Variants in CLCN4 observed in about 807,000 individuals in gnomAD.
CLCN4 encodes H(+)/Cl(-) exchange transporter 4.
A neutral mutation model predicts 41.7 loss-of-function variants in CLCN4; 1 was observed. The observed-to-expected ratio is 0.02, with a 90% CI of 0.01 to 0.11. CLCN4 has a LOEUF of 0.11. Among genes scored for constraint, CLCN4 ranks in the 10% least tolerant of loss-of-function variants. The pLI is 1.00. For synonymous variants in CLCN4, 277 were observed against 285.8 expected, an observed-to-expected ratio of 0.97 and a Z score of 0.31; for missense variants, 287 against 661.0, an observed-to-expected ratio of 0.43 and a Z score of 6.20.
At chrX:10,197,139 G>C (rs1924115961) in intron 5 of CLCN4, among the ~76,000 whole-genome samples, 1 of 111,884 alleles carries the variant, frequency 8.9e-6, no homozygotes, top group African/African-American at 3.3e-5. Flanking sequence ...TAGAGAGTGT[G>C]GTCTGTACCC....
chrX:10,217,011 T>A (rs1014777119), intron 11 of CLCN4, among the ~76,000 whole-genome samples: 1 of 102,591 alleles, frequency 9.7e-6, no homozygotes, highest in African/African-American at 3.6e-5. Flanking sequence ...AATCTTTACT[T>A]TTTTATCATA....
At chrX:10,221,451 A>G (rs1001812525) in intron 12 of CLCN4, among the ~76,000 whole-genome samples, 4 of 111,398 alleles carry the variant, frequency 3.6e-5, no homozygotes, top group African/African-American at 9.8e-5. Context: ...ACTTGAGCCC[A>G]GGAGTTCGAG....
intron 6 of CLCN4, among the ~76,000 whole-genome samples, chrX:10,200,084 G>A (rs1924202437): frequency 8.9e-6 from 1 of 112,058 alleles, no homozygotes; most frequent in Non-Finnish European, 1.9e-5. Flanking sequence ...ATAGAGACGA[G>A]GTCTCACTCT....
At chrX:10,202,638 CAAAAAAAAAAAAA>C (rs759089094) in intron 6 of CLCN4, among the ~76,000 whole-genome samples, 10 of 19,639 alleles carry the variant, frequency 5.1e-4, no homozygotes, top group Non-Finnish European at 9.3e-4. Flanking sequence ...GACCCTGCCT[CAAAAAAAAAAAAA>C]AAAAAAAAAA....
intron 5 of CLCN4, 51 bp from the exon 6 acceptor site, chrX:10,197,888 C>T: frequency 1.7e-6 from 2 of 1,198,829 alleles, no homozygotes; most frequent in African/African-American, 3.5e-5. Flanking sequence ...GTCTGTTGCT[C>T]AGGTCAGCTG....
chrX:10,165,777 G>T (rs908045624), intron 2 of CLCN4, among the ~76,000 whole-genome samples: 1 of 112,129 alleles, frequency 8.9e-6, no homozygotes, highest in African/African-American at 3.2e-5. Flanking sequence ...GCAGATAGCC[G>T]AGAGATTGTT....
intron 6 of CLCN4, among the ~76,000 whole-genome samples, chrX:10,204,805 G>A (rs942699723): frequency 1.8e-5 from 2 of 109,372 alleles, no homozygotes; most frequent in Non-Finnish European, 3.8e-5. Context: ...ACCTTTTTAG[G>A]GGTTTGCGGC....
intron 6 of CLCN4, among the ~76,000 whole-genome samples, chrX:10,204,042 A>T (rs960637357): frequency 1.2e-4 from 13 of 112,008 alleles, no homozygotes; most frequent in African/African-American, 4.2e-4. Flanking sequence ...GTAAACATTC[A>T]GTCCATTTCA....
chrX:10,200,638 A>G (rs967158564), intron 6 of CLCN4, among the ~76,000 whole-genome samples: 29 of 111,931 alleles, frequency 2.6e-4, no homozygotes, highest in African/African-American at 7.1e-4. Context: ...TGGGCATTTT[A>G]TTGGTGATAG....
intron 2 of CLCN4, among the ~76,000 whole-genome samples, chrX:10,158,934 A>G (rs1465925186): frequency 3.5e-5 from 4 of 113,342 alleles, no homozygotes; most frequent in Non-Finnish European, 7.5e-5. Context: ...TCCTAGTGTC[A>G]TTCTGCTTCT....
chrX:10,217,381 G>A (rs1356587590), intron 11 of CLCN4, among the ~76,000 whole-genome samples: 1 of 111,894 alleles, frequency 8.9e-6, no homozygotes, highest in Non-Finnish European at 1.9e-5. Context: ...TCTGTGCTGG[G>A]GCTGTCTTGT....
At chrX:10,191,655 A>T (rs1923963567) in intron 4 of CLCN4, among the ~76,000 whole-genome samples, 1 of 103,220 alleles carries the variant, frequency 9.7e-6, no homozygotes. Context: ...CCTCCTGAGT[A>T]GCTGGGACTA....
At chrX:10,197,860 C>T in intron 5 of CLCN4, 79 bp from the exon 6 acceptor site, 1 of 1,141,211 alleles carries the variant, frequency 8.8e-7, no homozygotes, top group Non-Finnish European at 1.2e-6. Context: ...GTTGTCAAGA[C>T]AGATGGGGAG....
chrX:10,164,356 G>C (rs1218319578), intron 2 of CLCN4, among the ~76,000 whole-genome samples: 3 of 111,743 alleles, frequency 2.7e-5, no homozygotes, highest in Non-Finnish European at 5.7e-5. Context: ...GGGGACAGGT[G>C]CTCAGAGGGG....
chrX:10,164,828 C>T (rs1923203104), intron 2 of CLCN4, among the ~76,000 whole-genome samples: 1 of 112,357 alleles, frequency 8.9e-6, no homozygotes, highest in Non-Finnish European at 1.9e-5. Context: ...TGCACATTCC[C>T]ACATGACACC....
intron 2 of CLCN4, among the ~76,000 whole-genome samples, chrX:10,175,926 C>T (rs1179888235): frequency 1.2e-5 from 1 of 80,195 alleles, no homozygotes; most frequent in Non-Finnish European, 2.3e-5. Flanking sequence ...CTCTCTCTCT[C>T]TCCCCCTCCC....
At chrX:10,196,538 C>CTTTTTTTTTTTTTTTTTTTTTTTTTTTT (rs141362799) in intron 5 of CLCN4, among the ~76,000 whole-genome samples, 1 of 80,914 alleles carries the variant, frequency 1.2e-5, no homozygotes, top group Non-Finnish European at 2.3e-5. Flanking sequence ...CCCTTCCCCA[C>CTTTTTTTTTTTTTTTTTTTTTTTTTTTT]TTTTTTTTTT....
chrX:10,169,632 G>A (rs767956117), intron 2 of CLCN4, among the ~76,000 whole-genome samples: 1 of 111,240 alleles, frequency 9.0e-6, no homozygotes, highest in Non-Finnish European at 1.9e-5. Flanking sequence ...TTTTAATTTT[G>A]CTACAAATTA....
In CLCN4 at chrX:10,181,176, A is replaced by T. The variant is rs779972203; in HGVS notation, c.-11-3846A>T. On this transcript the variant is annotated intron_variant, in intron 2 of 12. Coordinates refer to ENST00000380833, the MANE Select transcript of CLCN4 (RefSeq NM_001830.4). ...AGTTTGAGACCAGCCTGGGCAACAT[A>T]GTGAGACCCCATCTCTACAGATAAT... Among the ~76,000 whole-genome samples the T allele has an allele frequency of 2.7e-5, 3 of 110,424 alleles. No individual in the cohort carries two copies. In the East Asian group the frequency reaches 8.5e-4, roughly 31 times the overall value.
Sources: gnomAD v4.1 joint callset for allele counts (sites outside exome capture counted in the v4.1 genomes callset) on GRCh38, gnomAD v4.1.1 for gene constraint, MANE v1.5 for transcripts, NCBI Gene and HGNC (gene_info 2026-07-23, HGNC 2026-07-21) for gene names.